Variants in DRD2 observed in about 807,000 individuals in gnomAD.
DRD2 encodes D(2) dopamine receptor.
In DRD2, 8 loss-of-function variants were observed where a neutral mutation model predicts 38.0. The ratio of observed to expected loss-of-function variants is 0.21; its 90% CI spans 0.12 to 0.38. The LOEUF is 0.38. Ranked by LOEUF, DRD2 falls within the 10% of genes least tolerant of loss-of-function variation. The probability of loss-of-function intolerance (pLI) is 1.00; values close to 1 mark genes in which losing one functional copy is unlikely to be tolerated. For synonymous variants in DRD2, 230 were observed against 238.6 expected, an observed-to-expected ratio of 0.96 and a Z score of 0.33; for missense variants, 403 against 607.7, an observed-to-expected ratio of 0.66 and a Z score of 3.54.
At chr11:113,474,558 T>A (rs1414240800) in intron 1 of DRD2, 1 of 152,140 alleles carries the variant, frequency 6.6e-6, no homozygotes, top group Admixed American at 6.5e-5. Context: ...AATCTGCCTC[T>A]CCCCCATCCT....
intron 1 of DRD2, among the ~76,000 whole-genome samples, chr11:113,467,782 T>G (rs992612237): frequency 6.6e-6 from 1 of 152,174 alleles, no homozygotes; most frequent in Non-Finnish European, 1.5e-5. Flanking sequence ...TGGTGTAAGA[T>G]GGAAATGAAT....
intron 1 of DRD2, among the ~76,000 whole-genome samples, chr11:113,430,000 AC>A (rs970761857): frequency 6.6e-6 from 1 of 152,256 alleles, no homozygotes; most frequent in African/African-American, 2.4e-5. Context: ...CAATCAGACC[AC>A]AAGCCAACGG....
At chr11:113,443,809 AAAAC>A (rs558163199) in intron 1 of DRD2, among the ~76,000 whole-genome samples, 43 of 152,240 alleles carry the variant, frequency 2.8e-4, no homozygotes, top group Middle Eastern at 3.2e-3. Context: ...AAAATTGCTA[AAAAC>A]AAACAAACAA....
At chr11:113,467,347 C>T (rs1040547478) in intron 1 of DRD2, among the ~76,000 whole-genome samples, 6 of 152,142 alleles carry the variant, frequency 3.9e-5, no homozygotes, top group African/African-American at 1.4e-4. Flanking sequence ...AAAAGGCCAA[C>T]AAGAGGGATT....
At chr11:113,440,303 A>T (rs996177653) in intron 1 of DRD2, among the ~76,000 whole-genome samples, 1 of 152,190 alleles carries the variant, frequency 6.6e-6, no homozygotes, top group African/African-American at 2.4e-5. Context: ...GCTGTTTTCC[A>T]AGCACTCCCT....
Position 113,415,604 on chromosome 11 carries a change from G to C in DRD2, c.540C>G (p.Asn180Lys). ...AGGCCGGGTTGGCAATGATGCACTC[G>C]TTCTGGTCTGGGGGAGGGAGAGCCC... ...LLFGLNNADQ[N>K]ECIIANPAFV... Residue 180 changes from asparagine (N) to lysine (K), a missense_variant, in exon 5 of 8, where the codon AAC becomes AAG. Around this residue, in one of 4 missense-constraint regions of DRD2, gnomAD observed 162 missense variants for 254.5 expected, o/e 0.64. Transcript: ENST00000362072. The C allele has an allele frequency of 6.2e-7, 1 of 1,612,576 alleles. No individual in the cohort carries two copies. Among genetic ancestry groups the C allele is most frequent in the Non-Finnish European group, 8.5e-7 (1 of 1,179,256 alleles).
At chr11:113,420,597 G>C (rs920072913) in intron 2 of DRD2, among the ~76,000 whole-genome samples, 5 of 152,178 alleles carry the variant, frequency 3.3e-5, no homozygotes, top group Middle Eastern at 3.2e-3. Context: ...GCCATGTAAC[G>C]TGGCCAAGTT....
At chr11:113,446,287 T>C (rs1387756134) in intron 1 of DRD2, among the ~76,000 whole-genome samples, 2 of 152,130 alleles carry the variant, frequency 1.3e-5, no homozygotes, top group African/African-American at 2.4e-5. Context: ...TCACGTCTGC[T>C]GAAAAGACCA....
At chr11:113,439,929 T>A (rs1951074205) in intron 1 of DRD2, among the ~76,000 whole-genome samples, 1 of 148,486 alleles carries the variant, frequency 6.7e-6, no homozygotes, top group South Asian at 2.2e-4. Flanking sequence ...TAGAGCCTAT[T>A]GCTTTCAGAA....
intron 1 of DRD2, among the ~76,000 whole-genome samples, chr11:113,439,618 T>G (rs79549222): frequency 0.14 from 20,907 of 151,662 alleles, 1,552 homozygotes; most frequent in Middle Eastern, 0.18. Flanking sequence ...GGCAGCTAGA[T>G]CACTTGAGGT....
chr11:113,444,698 C>G (rs1258236923), intron 1 of DRD2, among the ~76,000 whole-genome samples: 3 of 152,224 alleles, frequency 2.0e-5, no homozygotes, highest in Admixed American at 6.5e-5. Context: ...CACACATTTG[C>G]TGAGCCCCTA....
At chr11:113,431,910 C>T (rs969822319) in intron 1 of DRD2, among the ~76,000 whole-genome samples, 2 of 152,220 alleles carry the variant, frequency 1.3e-5, no homozygotes, top group Non-Finnish European at 2.9e-5. Context: ...CCAGGCTGCC[C>T]CAGGCAGGCC....
intron 1 of DRD2, among the ~76,000 whole-genome samples, chr11:113,469,999 A>G (rs573929619): frequency 6.6e-6 from 1 of 152,296 alleles, no homozygotes; most frequent in East Asian, 1.9e-4. Flanking sequence ...GTGCACAATA[A>G]ATGCTGGCCG....
chr11:113,425,256 C>T (rs1191785377), intron 1 of DRD2, among the ~76,000 whole-genome samples: 1 of 152,100 alleles, frequency 6.6e-6, no homozygotes, highest in Non-Finnish European at 1.5e-5. Flanking sequence ...TCAGGGAAGG[C>T]TTTCTAGAGG....
intron 7 of DRD2, 128 bp downstream of exon 7, chr11:113,412,428 T>A: frequency 8.5e-7 from 1 of 1,173,252 alleles, no homozygotes; most frequent in Non-Finnish European, 1.2e-6. Context: ...TGTCTGTATG[T>A]CAATGGGCTT....
chr11:113,446,474 A>G (rs1312788336), intron 1 of DRD2, among the ~76,000 whole-genome samples: 1 of 152,198 alleles, frequency 6.6e-6, no homozygotes, highest in East Asian at 1.9e-4. Flanking sequence ...GGGAAACATT[A>G]CTAATCCTTT....
chr11:113,463,793 A>G (rs1951344084), intron 1 of DRD2, among the ~76,000 whole-genome samples: 1 of 152,222 alleles, frequency 6.6e-6, no homozygotes, highest in African/African-American at 2.4e-5. Context: ...CAATGACAAC[A>G]TAACTCAATA....
chr11:113,410,991 T>C, intron 7 of DRD2, 71 bp from the exon 8 acceptor site: 2 of 1,529,742 alleles, frequency 1.3e-6, no homozygotes, highest in Non-Finnish European at 1.8e-6. Flanking sequence ...CCACACCCAG[T>C]GCGCCCTGGC....
chr11:113,424,798 G>C (rs544989587), intron 1 of DRD2, 116 bp from the exon 2 acceptor site: 1 of 1,049,748 alleles, frequency 9.5e-7, no homozygotes, highest in Non-Finnish European at 1.4e-6. Context: ...GGGATTTTAA[G>C]GTTTACGGCT....
Sources: gnomAD v4.1 joint callset for allele counts (sites outside exome capture counted in the v4.1 genomes callset) on GRCh38, gnomAD v4.1.1 for gene constraint, gnomAD v4.1.1 regional missense constraint, MANE v1.5 for transcripts, NCBI Gene and HGNC (gene_info 2026-07-23, HGNC 2026-07-21) for gene names.